MICU1: variants seen among roughly 807,000 people sequenced by gnomAD.
The protein encoded by MICU1 is calcium uptake protein 1, mitochondrial.
A neutral mutation model predicts 56.8 loss-of-function variants in MICU1; 45 were observed. The observed-to-expected ratio is 0.79, with a 90% CI of 0.62 to 1.02. MICU1 has a LOEUF of 1.02. Ranked by LOEUF, MICU1 falls within the 50% of genes least tolerant of loss-of-function variation. MICU1 has a pLI of 0.00. For synonymous variants in MICU1, 186 were observed against 195.1 expected (o/e 0.95, Z 0.39); for missense variants, 504 against 587.1 (o/e 0.86, Z 1.46).
chr10:72,399,070 C>T (rs1442958191), intron 10 of MICU1, among the ~76,000 whole-genome samples: 1 of 152,208 alleles, frequency 6.6e-6, no homozygotes, highest in Non-Finnish European at 1.5e-5. Context: ...CCAAATCCAG[C>T]AGCACATCAA....
intron 5 of MICU1, among the ~76,000 whole-genome samples, chr10:72,514,634 G>A (rs375638792): frequency 2.0e-5 from 3 of 152,240 alleles, no homozygotes; most frequent in South Asian, 2.1e-4. Flanking sequence ...TGCCTGGAGC[G>A]AAAGGGGTAA....
At chr10:72,425,378 A>G (rs892616327) in intron 8 of MICU1, among the ~76,000 whole-genome samples, 1 of 152,166 alleles carries the variant, frequency 6.6e-6, no homozygotes, top group African/African-American at 2.4e-5. Flanking sequence ...CAGCTTGCTC[A>G]AGGCTTATAA....
chr10:72,521,415 C>T (rs998741482), intron 5 of MICU1, among the ~76,000 whole-genome samples: 1 of 152,012 alleles, frequency 6.6e-6, no homozygotes, highest in Admixed American at 6.6e-5. Context: ...CATTATACTT[C>T]GCATATTCTG....
intron 8 of MICU1, among the ~76,000 whole-genome samples, chr10:72,447,823 C>T (rs1436463869): frequency 6.6e-6 from 1 of 152,068 alleles, no homozygotes; most frequent in African/African-American, 2.4e-5. Flanking sequence ...AACGATAAAA[C>T]AGTTAAGGTT....
At chr10:72,623,536 G>A (rs1842161088) in intron 1 of MICU1, among the ~76,000 whole-genome samples, 1 of 152,052 alleles carries the variant, frequency 6.6e-6, no homozygotes. Context: ...GAGTCTGGGA[G>A]TTCCAAGACT....
intron 10 of MICU1, among the ~76,000 whole-genome samples, chr10:72,391,813 T>C (rs1365462503): frequency 1.3e-5 from 2 of 152,232 alleles, no homozygotes; most frequent in Non-Finnish European, 1.5e-5. Context: ...GTTTATGTGT[T>C]AACTGACTGT....
intron 8 of MICU1, among the ~76,000 whole-genome samples, chr10:72,454,224 G>A (rs1023752052): frequency 6.6e-6 from 1 of 152,000 alleles, no homozygotes; most frequent in Admixed American, 6.5e-5. Flanking sequence ...GGAGGCCAAG[G>A]TGGGCGGATC....
At chr10:72,488,565 AAAT>A (rs1202954415) in intron 6 of MICU1, among the ~76,000 whole-genome samples, 40 of 152,344 alleles carry the variant, frequency 2.6e-4, no homozygotes, top group Middle Eastern at 3.4e-3. Flanking sequence ...AAATCCAAGG[AAAT>A]GAACCAAAGC....
At chr10:72,405,560 A>G (rs1253721797) in intron 10 of MICU1, among the ~76,000 whole-genome samples, 1 of 136,404 alleles carries the variant, frequency 7.3e-6, no homozygotes, top group Non-Finnish European at 1.6e-5. Context: ...CTGACATAAA[A>G]CCCGAAAAGA....
chr10:72,529,920 GAATA>G (rs1839424789), intron 5 of MICU1, among the ~76,000 whole-genome samples: 1 of 138,976 alleles, frequency 7.2e-6, no homozygotes, highest in East Asian at 2.1e-4. Context: ...ATTGTTAGCA[GAATA>G]CATGGATACT....
At position 72,511,873 on chromosome 10, in the gene MICU1, C is replaced by T. The variant is rs531936799; in HGVS notation, c.538-3604G>A. The stretch of plus-strand genomic sequence containing the variant: ...TCTCAGAGAGAACCATTTGCTGTCT[C>T]CAGATCCCTAGCTGATTGGGTGGTG... On this transcript the variant is annotated intron_variant, in intron 5 of 11. Transcript: ENST00000361114. Among the ~76,000 whole-genome samples, 47 of 152,274 alleles carry T rather than the reference C, an allele frequency of 3.1e-4. No homozygotes were observed. The South Asian group carries it at 8.9e-3, about 29-fold the overall frequency.
At chr10:72,468,486 T>C (rs1013051896) in intron 8 of MICU1, among the ~76,000 whole-genome samples, 1 of 152,116 alleles carries the variant, frequency 6.6e-6, no homozygotes, top group African/African-American at 2.4e-5. Context: ...AGGAACTCAA[T>C]AGTTCTCAGT....
chr10:72,415,218 G>A (rs1158767033), intron 9 of MICU1, among the ~76,000 whole-genome samples: 2 of 152,104 alleles, frequency 1.3e-5, no homozygotes. Context: ...CTTTCGCCAT[G>A]TTGGCCAGGC....
At chr10:72,598,307 T>C (rs1485677939) in intron 1 of MICU1, among the ~76,000 whole-genome samples, 1 of 151,980 alleles carries the variant, frequency 6.6e-6, no homozygotes, top group Non-Finnish European at 1.5e-5. Flanking sequence ...CCAGGTTGGA[T>C]TGCAGTGGCA....
chr10:72,573,329 A>AC (rs1840661413), intron 1 of MICU1, among the ~76,000 whole-genome samples: 4 of 140,596 alleles, frequency 2.8e-5, no homozygotes, highest in Admixed American at 1.4e-4. Flanking sequence ...AAAAAAAAAA[A>AC]AAAAAACTAA....
intron 9 of MICU1, among the ~76,000 whole-genome samples, chr10:72,417,235 G>A (rs1864010448): frequency 1.3e-5 from 2 of 152,178 alleles, no homozygotes; most frequent in Middle Eastern, 3.4e-3. Flanking sequence ...GGTGGATCAC[G>A]AGGTCAGGAG....
chr10:72,472,390 T>G (rs979041736), intron 8 of MICU1, among the ~76,000 whole-genome samples: 2 of 152,224 alleles, frequency 1.3e-5, no homozygotes, highest in African/African-American at 4.8e-5. Context: ...CAAGTGATTT[T>G]CTAGGCTGAT....
intron 6 of MICU1, among the ~76,000 whole-genome samples, chr10:72,498,870 C>T (rs948494116): frequency 6.6e-6 from 1 of 152,068 alleles, no homozygotes; most frequent in African/African-American, 2.4e-5. Context: ...CTGACCACCT[C>T]GTTCCATACT....
At chr10:72,530,144 A>C (rs908493925) in intron 5 of MICU1, among the ~76,000 whole-genome samples, 4 of 151,326 alleles carry the variant, frequency 2.6e-5, no homozygotes, top group African/African-American at 9.7e-5. Flanking sequence ...CCTGGCCAAC[A>C]TGGTAAAACC....
Sources: allele counts gnomAD v4.1 joint callset (sites outside exome capture counted in the v4.1 genomes callset), GRCh38; gene constraint gnomAD v4.1.1; transcripts MANE v1.5; gene names NCBI Gene and HGNC (gene_info 2026-07-23, HGNC 2026-07-21).